Variants in SRSF12 observed in about 807,000 individuals in gnomAD.
SRSF12 encodes serine/arginine-rich splicing factor 12.
SRSF12 carries 21 observed loss-of-function variants against 34.1 expected under a neutral mutation model. The observed-to-expected ratio is 0.62, with a 90% confidence interval of 0.44 to 0.89. The LOEUF (loss-of-function observed/expected upper bound fraction) is 0.89, where lower values mean the gene tolerates loss of function less well. Among genes scored for constraint, SRSF12 ranks in the 40% least tolerant of loss-of-function variants. The pLI is 0.00. For synonymous variants in SRSF12, 111 were observed against 110.8 expected (o/e 1.00, Z -0.01); for missense variants, 278 against 327.8 (o/e 0.85, Z 1.17).
At chr6:89,103,385 G>A (rs568779044) in intron 4 of SRSF12, among the ~76,000 whole-genome samples, 1 of 151,076 alleles carries the variant, frequency 6.6e-6, no homozygotes, top group South Asian at 2.1e-4. Flanking sequence ...CTGGAGAGCA[G>A]TGGCGTGATC....
chr6:89,101,616 TGAA>T (rs1182696473), intron 4 of SRSF12, among the ~76,000 whole-genome samples: 1 of 151,928 alleles, frequency 6.6e-6, no homozygotes. Context: ...GAGAATCGCT[TGAA>T]TCTGGGAGGC....
chr6:89,100,419 A>G (rs139707110), intron 4 of SRSF12, among the ~76,000 whole-genome samples: 1,576 of 152,308 alleles, frequency 0.01, 7 homozygotes, highest in Non-Finnish European at 0.014. Flanking sequence ...TTAAGATCAA[A>G]GTGATCTGCC....
At chr6:89,106,929 C>G (rs1279250000) in intron 2 of SRSF12, 1 of 566,350 alleles carries the variant, frequency 1.8e-6, no homozygotes, top group Non-Finnish European at 3.3e-6. Context: ...ACTTTAGGTG[C>G]CTTTTGTCTC....
At chr6:89,099,443 CATATATATGTGTGTAT>C (rs1768421466) in intron 4 of SRSF12, among the ~76,000 whole-genome samples, 1 of 138,746 alleles carries the variant, frequency 7.2e-6, no homozygotes, top group African/African-American at 2.9e-5. Context: ...TATATATACA[CATATATATGTGTGTAT>C]ATATGTGTGT....
At chr6:89,117,041 G>T (rs1769335886) in intron 1 of SRSF12, among the ~76,000 whole-genome samples, 1 of 151,622 alleles carries the variant, frequency 6.6e-6, no homozygotes. Flanking sequence ...CTCTCCCCCC[G>T]CCCCCAATTT....
At chr6:89,112,523 T>C in intron 1 of SRSF12, among the ~76,000 whole-genome samples, 1 of 150,092 alleles carries the variant, frequency 6.7e-6, no homozygotes, top group East Asian at 2.0e-4. Context: ...CATAACTTGC[T>C]CCAACCTTGA....
chr6:89,111,656 T>A (rs773734207), intron 1 of SRSF12, among the ~76,000 whole-genome samples: 8 of 152,144 alleles, frequency 5.3e-5, no homozygotes, highest in Non-Finnish European at 1.2e-4. Context: ...GTTGCACTGG[T>A]TAGGACCTGC....
At chr6:89,099,763 G>C (rs1030114524) in intron 4 of SRSF12, among the ~76,000 whole-genome samples, 1 of 151,982 alleles carries the variant, frequency 6.6e-6, no homozygotes, top group Non-Finnish European at 1.5e-5. Flanking sequence ...TCAATCTCCC[G>C]ACCTCAGGTT....
chr6:89,104,992 T>G (rs9362618), intron 4 of SRSF12, 127 bp downstream of exon 4: 676,900 of 919,452 alleles, frequency 0.74, 250,047 homozygotes, highest in East Asian at 0.84. Context: ...GGAGGTCAAG[T>G]CTACAGTGGG....
intron 1 of SRSF12, among the ~76,000 whole-genome samples, chr6:89,111,295 G>T (rs980914104): frequency 6.6e-6 from 1 of 152,106 alleles, no homozygotes; most frequent in African/African-American, 2.4e-5. Flanking sequence ...TAGTAGAGAT[G>T]GGGTTTTGTT....
At chr6:89,108,076 T>C (rs550231538) in intron 1 of SRSF12, among the ~76,000 whole-genome samples, 10 of 152,304 alleles carry the variant, frequency 6.6e-5, no homozygotes, top group Middle Eastern at 6.8e-3. Flanking sequence ...GTTTTAATAT[T>C]AAACATAAAA....
At position 89,107,187 on chromosome 6, in the gene SRSF12, T is replaced by C. The variant is rs1467517415; in HGVS notation, c.137A>G (p.Tyr46Cys). 1.2e-6 allele frequency: 2 copies of C among 1,614,012 alleles called. No homozygotes were observed. Among genetic ancestry groups the C allele is most frequent in the African/African-American group, 1.3e-5 (1 of 74,988 alleles). ...IVDVYIPLDF[Y>C]TRRPRGFAYV... is the part of the protein sequence containing the mutation. ...AGCAAATCCTCTTGGGCGGCGAGTG[T>C]AGAAGTCAAGTGGAATGTAAACGTC... Residue 46 changes from tyrosine to cysteine, a missense_variant, in exon 2 of 5, where the codon TAC becomes TGC. Coordinates refer to ENST00000452027, the MANE Select transcript of SRSF12 (RefSeq NM_080743.5).
chr6:89,107,063 T>C (rs769362688), intron 2 of SRSF12, 91 bp downstream of exon 2: 9 of 1,208,276 alleles, frequency 7.4e-6, no homozygotes, highest in Non-Finnish European at 1.1e-5. Flanking sequence ...AATTAGGCAA[T>C]ATTAATCTCA....
intron 1 of SRSF12, among the ~76,000 whole-genome samples, chr6:89,111,068 T>C (rs1489658440): frequency 1.3e-5 from 2 of 151,708 alleles, no homozygotes; most frequent in African/African-American, 2.4e-5. Context: ...GCTATGATCA[T>C]GCTACTGCAC....
In SRSF12 at chr6:89,105,111, A is replaced by G. The variant is rs7753709; in HGVS notation, c.416+8T>C. ...AGAAAATGAAATTTTCAGTCCTCTTATACTCACTCTTTAAGGCTGTCTGAC... is the reference window on the plus strand; with the variant it reads ...AGAAAATGAAATTTTCAGTCCTCTTGTACTCACTCTTTAAGGCTGTCTGAC... On this transcript the variant is annotated splice_region_variant and intron_variant, in intron 4 of 4. Coordinates refer to ENST00000452027, the MANE Select transcript of SRSF12 (RefSeq NM_080743.5). 0.74 allele frequency: 1,183,327 copies of G among 1,600,230 alleles called. 438,493 individuals carry two copies. The highest frequency in any genetic ancestry group is 0.84 in the East Asian group (37,464 of 44,594).
chr6:89,109,908 G>A (rs1391211212), intron 1 of SRSF12, among the ~76,000 whole-genome samples: 1 of 152,078 alleles, frequency 6.6e-6, no homozygotes, highest in Admixed American at 6.6e-5. Flanking sequence ...TGGCTAAGAG[G>A]GTGAAACCCC....
At chr6:89,112,285 C>T (rs187848178) in intron 1 of SRSF12, among the ~76,000 whole-genome samples, 40 of 152,218 alleles carry the variant, frequency 2.6e-4, no homozygotes, top group Non-Finnish European at 5.0e-4. Flanking sequence ...TACACTAATT[C>T]ACAAAGCCTT....
At position 89,096,698 on chromosome 6, in the gene SRSF12, A is replaced by T. The variant is rs1172321219; in HGVS notation, c.*1880T>A. On this transcript the variant is annotated 3_prime_UTR_variant, in exon 5 of 5. Coordinates refer to ENST00000452027, the MANE Select transcript of SRSF12 (RefSeq NM_080743.5). ...TTTTTATAGATAAAGGGGTCTTGCT[A>T]TGTTGCCCAGGCTGGTCTCAAACTC... 5.3e-5 allele frequency: 8 copies of T among 152,270 alleles called. No individual in the cohort carries two copies. Among genetic ancestry groups the T allele is most frequent in the African/African-American group, 1.9e-4 (8 of 41,438 alleles). The allele number at this position is 152,270 out of a possible 1,614,324, so 9.4% of individuals were successfully genotyped here. A position where few individuals can be genotyped will look rare whatever the true frequency, so the allele number is the denominator to read the frequency against.
rs780298799 is a variant in SRSF12, at chr6:89,097,837, TATGA to T, written c.*737_*740del. On this transcript the variant is annotated 3_prime_UTR_variant, in exon 5 of 5. Transcript: ENST00000452027. ...CATTCTTCAAATGTGTAAGTCTTAA[TATGA>T]ATATTTTTGGATTGTGAGTGTTGCT... 1 of 152,240 alleles carries T rather than the reference TATGA, an allele frequency of 6.6e-6. No homozygotes were observed. The highest frequency in any genetic ancestry group is 1.5e-5 in the Non-Finnish European group (1 of 68,030). 9.4% of individuals were successfully genotyped at this position (152,240 alleles called of 1,614,324 possible).
Sources: gnomAD v4.1 joint callset for allele counts (sites outside exome capture counted in the v4.1 genomes callset) on GRCh38, gnomAD v4.1.1 for gene constraint, MANE v1.5 for transcripts, NCBI Gene and HGNC (gene_info 2026-07-23, HGNC 2026-07-21) for gene names.